LPA: variants seen among roughly 807,000 people sequenced by gnomAD.
LPA encodes the protein lipoprotein(a).
In LPA, 199 loss-of-function variants were observed where a neutral mutation model predicts 197.9. The observed-to-expected ratio is 1.01, with a 90% CI of 0.90 to 1.13. LPA has a LOEUF of 1.13. LPA is among the 50% of genes most tolerant of loss of function. The pLI is 0.00. For missense variants in LPA, 1,853 were observed against 1,785.8 expected (o/e 1.04, Z -0.68); for synonymous variants, 715 against 639.5 (o/e 1.12, Z -1.78).
intron 30 of LPA, among the ~76,000 whole-genome samples, chr6:160,553,954 T>TGTGTGTGTGTGTGTGA (rs771903485): frequency 7.6e-6 from 1 of 130,748 alleles, no homozygotes. Flanking sequence ...TGTGTGTGTG[T>TGTGTGTGTGTGTGTGA]GCGCGCGCGC....
At chr6:160,544,806 G>C (rs1374941970) in intron 33 of LPA, among the ~76,000 whole-genome samples, 3 of 152,124 alleles carry the variant, frequency 2.0e-5, no homozygotes, top group Admixed American at 6.5e-5. Flanking sequence ...AATCATTTAA[G>C]ATCTAATGTC....
Position 160,590,971 on chromosome 6 carries a change from C to CA in LPA, c.3759dup (p.Ala1254CysfsTer8). The CA allele has an allele frequency of 6.2e-7, 1 of 1,614,028 alleles. No individual in the cohort carries two copies. Among genetic ancestry groups the CA allele is most frequent in the Non-Finnish European group, 8.5e-7 (1 of 1,179,918 alleles). ...TGTTCAGAAACAGCCGTGGACGTCG[C>CA]AAGGACACTTGATTCTGTCACTGGA... On this transcript the variant is annotated frameshift_variant, in exon 23 of 39. Transcript: ENST00000316300. LOFTEE classifies it high-confidence loss of function.
chr6:160,559,609 G>A (rs1009367242), intron 28 of LPA, among the ~76,000 whole-genome samples: 100 of 152,178 alleles, frequency 6.6e-4, no homozygotes, highest in African/African-American at 2.3e-3. Context: ...TTTTTAATTC[G>A]TTTTATCATT....
At chr6:160,601,292 C>CT (rs553415317) in intron 18 of LPA, among the ~76,000 whole-genome samples, 194 bp from the exon 19 acceptor site, 1 of 152,220 alleles carries the variant, frequency 6.6e-6, no homozygotes, top group East Asian at 1.9e-4. Flanking sequence ...TATATTATCA[C>CT]TTTTTTTAAA....
chr6:160,550,363 T>A (rs1327605631), intron 30 of LPA, among the ~76,000 whole-genome samples: 1 of 152,170 alleles, frequency 6.6e-6, no homozygotes, highest in Admixed American at 6.5e-5. Flanking sequence ...CTGAGAAACC[T>A]TGAAATGTAT....
intron 20 of LPA, among the ~76,000 whole-genome samples, chr6:160,597,069 T>A (rs896406969): frequency 6.6e-6 from 1 of 152,228 alleles, no homozygotes; most frequent in African/African-American, 2.4e-5. Flanking sequence ...TTCTTTTAAA[T>A]CTATGGAGAC....
chr6:160,547,435 C>T (rs1778090015), intron 32 of LPA, among the ~76,000 whole-genome samples: 1 of 152,120 alleles, frequency 6.6e-6, no homozygotes, highest in Non-Finnish European at 1.5e-5. Context: ...TTGTTTGCTC[C>T]CCCGAAGCTC....
Position 160,553,937 on chromosome 6 carries a change from C to CTGTGTGTGTGTGTGTATGTG in LPA, c.4973+2087_4973+2088insCACATACACACACACACACA, listed in dbSNP as rs1778208432. Among the ~76,000 whole-genome samples the CTGTGTGTGTGTGTGTATGTG allele has an allele frequency of 5.7e-5, 8 of 139,138 alleles. No individual in the cohort carries two copies. The South Asian group carries it at 1.9e-3, about 33-fold the overall frequency. The allele number at this position is 139,138 out of a possible 152,430, so 91.3% of individuals were successfully genotyped here. On this transcript the variant is annotated intron_variant, in intron 30 of 38. Transcript: ENST00000316300. Reference sequence around the variant, plus strand: ...TCTCTCTTTCTCTCTCTCTCTCTCTCTGTGTGTGTGTGTGTGTGCGCGCGC... The same window carrying CTGTGTGTGTGTGTGTATGTG: ...TCTCTCTTTCTCTCTCTCTCTCTCTCTGTGTGTGTGTGTGTATGTGTGTGTGTGTGTGTGTGTGCGCGCGC...
chr6:160,565,664 G>A (rs1262195252), intron 28 of LPA, among the ~76,000 whole-genome samples: 1 of 152,136 alleles, frequency 6.6e-6, no homozygotes, highest in Non-Finnish European at 1.5e-5. Context: ...GAACAAAGCT[G>A]GACAGAGAAT....
chr6:160,580,139 C>A (rs565084262), intron 26 of LPA, among the ~76,000 whole-genome samples: 1 of 152,170 alleles, frequency 6.6e-6, no homozygotes, highest in Non-Finnish European at 1.5e-5. Flanking sequence ...ACAGACTATA[C>A]ACTTTGACGT....
At chr6:160,581,260 T>A (rs1376343549) in intron 26 of LPA, among the ~76,000 whole-genome samples, 1 of 152,158 alleles carries the variant, frequency 6.6e-6, no homozygotes, top group Non-Finnish European at 1.5e-5. Flanking sequence ...TTTTCTGTTT[T>A]TGTTTGCATA....
rs1165989934 is a variant in LPA at position 160,539,959 on chromosome 6, A to G, written c.5735+84T>C. 7.7e-6 allele frequency: 12 copies of G among 1,568,604 alleles called. No individual in the cohort carries two copies. The East Asian group carries it at 9.0e-5, about 12-fold the overall frequency. On this transcript the variant is annotated intron_variant, in intron 36 of 38. Coordinates refer to ENST00000316300, the MANE Select transcript of LPA (RefSeq NM_005577.4). ...TGATAGACAGTTCCTCCCCACTGCC[A>G]TGCAGTGGCCATGGCCCATAAAACC...
At chr6:160,651,165 A>G (rs1378497169) in intron 1 of LPA, among the ~76,000 whole-genome samples, 2 of 152,202 alleles carry the variant, frequency 1.3e-5, no homozygotes, top group African/African-American at 4.8e-5. Context: ...GAATACTGAG[A>G]ATGCATTCCC....
In LPA at chr6:160,556,009, A is replaced by G. The variant is rs1450003411; in HGVS notation, c.4973+16T>C. 1.9e-6 allele frequency: 3 copies of G among 1,579,516 alleles called. No homozygotes were observed. Among genetic ancestry groups the G allele is most frequent in the Non-Finnish European group, 2.6e-6 (3 of 1,149,274 alleles). ...GTTGGCTGTTGCTCCTCTTACAAGT[A>G]ACATCAAAGACATACTCATTTGGGT... is the stretch of plus-strand genomic sequence containing the variant. On this transcript the variant is annotated intron_variant, in intron 30 of 38. Transcript: ENST00000316300.
chr6:160,578,223 G>A (rs1223848816), intron 27 of LPA, among the ~76,000 whole-genome samples: 1 of 152,160 alleles, frequency 6.6e-6, no homozygotes, highest in African/African-American at 2.4e-5. Context: ...CAGGCTGTTA[G>A]AATATCCATT....
chr6:160,552,693 T>A (rs1778185547), intron 30 of LPA, among the ~76,000 whole-genome samples: 1 of 152,218 alleles, frequency 6.6e-6, no homozygotes, highest in African/African-American at 2.4e-5. Context: ...ATGGTATATA[T>A]CCTTTTTCAT....
chr6:160,605,662 G>A (rs1779334396), intron 17 of LPA, among the ~76,000 whole-genome samples: 1 of 152,160 alleles, frequency 6.6e-6, no homozygotes, highest in South Asian at 2.1e-4. Context: ...TGAAAACAAT[G>A]AACGTTTCAT....
intron 36 of LPA, among the ~76,000 whole-genome samples, chr6:160,539,445 G>GT (rs527511967): frequency 0.067 from 9,506 of 142,546 alleles, 717 homozygotes; most frequent in African/African-American, 0.19. Context: ...TGTTGTGTGG[G>GT]TTTTTTTTTT....
intron 28 of LPA, among the ~76,000 whole-genome samples, chr6:160,575,836 T>C (rs1778644779): frequency 6.6e-6 from 1 of 152,198 alleles, no homozygotes; most frequent in Non-Finnish European, 1.5e-5. Flanking sequence ...TGCAGATTTA[T>C]ATTACACTGA....
Sources: allele counts gnomAD v4.1 joint callset (sites outside exome capture counted in the v4.1 genomes callset), GRCh38; gene constraint gnomAD v4.1.1; transcripts MANE v1.5; gene names NCBI Gene and HGNC (gene_info 2026-07-23, HGNC 2026-07-21).